The following ELSPBP1 variants were observed in gnomAD, a reference collection of about 807,000 sequenced individuals.
ELSPBP1 encodes the protein epididymal sperm binding protein 1, also known as epididymal sperm-binding protein 1.
ELSPBP1 carries 38 observed loss-of-function variants against 33.3 expected under a neutral mutation model. The observed-to-expected ratio is 1.14, with a 90% CI of 0.88 to 1.50. ELSPBP1 has a LOEUF of 1.50. Among genes scored for constraint, ELSPBP1 ranks in the 40% most tolerant of loss-of-function variants. ELSPBP1 has a pLI of 0.00. For synonymous variants in ELSPBP1, 85 were observed against 94.1 expected, an observed-to-expected ratio of 0.90 and a Z score of 0.56; for missense variants, 267 against 263.5, an observed-to-expected ratio of 1.01 and a Z score of -0.09.
At chr19:48,006,000 G>A (rs896407136) in intron 1 of ELSPBP1, among the ~76,000 whole-genome samples, 13 of 152,110 alleles carry the variant, frequency 8.5e-5, no homozygotes, top group East Asian at 3.9e-4. Flanking sequence ...TTGCTGTGTC[G>A]CCCAGGCTGG....
At chr19:48,000,451 A>G (rs1486520686) in intron 1 of ELSPBP1, among the ~76,000 whole-genome samples, 2 of 151,224 alleles carry the variant, frequency 1.3e-5, no homozygotes, top group Admixed American at 6.6e-5. Context: ...ATGTTGGTCA[A>G]GCTGGTCTCT....
intron 2 of ELSPBP1, 88 bp downstream of exon 2, chr19:48,008,825 G>A (rs1372526188): frequency 8.2e-6 from 10 of 1,217,106 alleles, no homozygotes; most frequent in South Asian, 1.3e-5. Flanking sequence ...TAAGTAGGCA[G>A]GAGATGGCTT....
chr19:48,016,730 C>T (rs1967146450), intron 4 of ELSPBP1, among the ~76,000 whole-genome samples: 1 of 151,752 alleles, frequency 6.6e-6, no homozygotes, highest in African/African-American at 2.4e-5. Context: ...TCCTGAGTAG[C>T]TGGGATTGCA....
In ELSPBP1 at chr19:47,999,458, G is replaced by A. The variant is rs1966946322; in HGVS notation, c.-18+4647G>A. Among the ~76,000 whole-genome samples the A allele has an allele frequency of 2.8e-5, 4 of 141,150 alleles. No individual in the cohort carries two copies. In the South Asian group the frequency reaches 6.6e-4, roughly 23 times the overall value. 92.6% of individuals were successfully genotyped at this position (141,150 alleles called of 152,430 possible). A position where few individuals can be genotyped will look rare whatever the true frequency, so the allele number is the denominator to read the frequency against. The stretch of plus-strand genomic sequence containing the variant: ...GGCTGGAATGCAGTGGTGTGATCTC[G>A]GCTCACAGCAACCTCCACTTCCTGG... On this transcript the variant is annotated intron_variant, in intron 1 of 6. Coordinates refer to ENST00000339841, the MANE Select transcript of ELSPBP1 (RefSeq NM_022142.5).
In ELSPBP1 at chr19:48,017,355, T is replaced by C. The variant is rs1967153202; in HGVS notation, c.355+1316T>C. Among the ~76,000 whole-genome samples the C allele has an allele frequency of 2.0e-5, 3 of 152,246 alleles. 1 individual carries two copies. Reference sequence around the variant, plus strand: ...TCTAGCCCTAATCATCCACCATTTGTGTTCTTTACTATAAACAAAACTTAA... The same window carrying C: ...TCTAGCCCTAATCATCCACCATTTGCGTTCTTTACTATAAACAAAACTTAA... On this transcript the variant is annotated intron_variant, in intron 4 of 6. Transcript: ENST00000339841.
intron 1 of ELSPBP1, among the ~76,000 whole-genome samples, chr19:48,007,653 T>C (rs1471835080): frequency 1.3e-5 from 2 of 152,114 alleles, no homozygotes; most frequent in Non-Finnish European, 2.9e-5. Context: ...ATGAGGACGG[T>C]AAATGCTAAT....
chr19:47,998,348 T>G (rs1230751881), intron 1 of ELSPBP1, among the ~76,000 whole-genome samples: 2 of 148,772 alleles, frequency 1.3e-5, no homozygotes, highest in Non-Finnish European at 3.0e-5. Flanking sequence ...GGGACAGAGG[T>G]TGCAGTGAGC....
chr19:48,016,035 G>C lies in ELSPBP1; in HGVS notation c.351G>C (p.Thr117=), dbSNP rs1276767986. ...DEKQQWKFCE[T]NEYGGNSLRK... is the part of the protein sequence containing the mutation. ...AACAGCAGTGGAAATTCTGTGAAAC[G>C]AATGGTGAGCCCCTGTAGCAGGGAT... Residue 117 remains threonine (T), a synonymous_variant, in exon 4 of 7, where the codon ACG becomes ACC. Transcript: ENST00000339841. 2.5e-6 allele frequency: 4 copies of C among 1,613,110 alleles called. No individual in the cohort carries two copies. The East Asian group carries it at 6.7e-5, about 27-fold the overall frequency.
intron 3 of ELSPBP1, among the ~76,000 whole-genome samples, chr19:48,015,237 G>T (rs1300886933): frequency 2.0e-5 from 3 of 152,200 alleles, no homozygotes; most frequent in Non-Finnish European, 2.9e-5. Flanking sequence ...TCATCTTCAT[G>T]TTGAGGAGGA....
At chr19:47,999,076 CTG>C (rs1966941407) in intron 1 of ELSPBP1, among the ~76,000 whole-genome samples, 1 of 152,186 alleles carries the variant, frequency 6.6e-6, no homozygotes, top group African/African-American at 2.4e-5. Flanking sequence ...GTTCCTCACA[CTG>C]TGTGTGGCTG....
intron 1 of ELSPBP1, among the ~76,000 whole-genome samples, chr19:48,000,704 C>A (rs1376730555): frequency 6.6e-6 from 1 of 152,208 alleles, no homozygotes; most frequent in Admixed American, 6.5e-5. Flanking sequence ...GATGAGGACT[C>A]CGAGCTGTGC....
chr19:48,013,387 C>G (rs988692081), intron 2 of ELSPBP1, among the ~76,000 whole-genome samples: 2 of 152,118 alleles, frequency 1.3e-5, no homozygotes, highest in African/African-American at 4.8e-5. Context: ...TTCAGGCCAC[C>G]ATGAGAACTG....
rs988882162 is a variant in ELSPBP1, at chr19:48,014,458, G to A, written c.208+150G>A. ...GAAAAGGCTCTGGGTTTTAATGATC[G>A]CCATTCTAACTTGTGTGAGAACACA... On this transcript the variant is annotated intron_variant, in intron 3 of 6. Transcript: ENST00000339841. 1.7e-4 allele frequency: 112 copies of A among 675,292 alleles called. 1 individual carries two copies. The Admixed American group carries it at 3.5e-3, about 21-fold the overall frequency. 41.8% of individuals were successfully genotyped at this position (675,292 alleles called of 1,614,324 possible).
chr19:47,996,109 T>C (rs1486339985), intron 1 of ELSPBP1, among the ~76,000 whole-genome samples: 2 of 152,190 alleles, frequency 1.3e-5, no homozygotes, highest in African/African-American at 4.8e-5. Flanking sequence ...CACATTTCCT[T>C]ATAGATGATA....
At chr19:48,020,707 C>G (rs1181907151) in intron 5 of ELSPBP1, among the ~76,000 whole-genome samples, 1 of 152,196 alleles carries the variant, frequency 6.6e-6, no homozygotes, top group African/African-American at 2.4e-5. Context: ...CCAGGGCCCT[C>G]TGTGCTTCCA....
At chr19:48,008,836 A>G in intron 2 of ELSPBP1, 99 bp downstream of exon 2, 4 of 1,095,424 alleles carry the variant, frequency 3.7e-6, no homozygotes, top group Non-Finnish European at 5.4e-6. Flanking sequence ...GAGATGGCTT[A>G]GCAAAAATCT....
rs11882875 is a variant in ELSPBP1, at chr19:48,002,098, G to A, written c.-17-6553G>A. 3.3e-3 allele frequency among the ~76,000 whole-genome samples: 509 copies of A among 152,196 alleles called. 5 individuals are homozygous for A. Among genetic ancestry groups the A allele is most frequent in the African/African-American group, 0.012 (482 of 41,522 alleles). ...GTGGGTATTATTCTACCCACCAAGC[G>A]TCTATGAACGACACTAACATTCTGT... On this transcript the variant is annotated intron_variant, in intron 1 of 6. Transcript: ENST00000339841.
intron 1 of ELSPBP1, among the ~76,000 whole-genome samples, chr19:47,999,772 G>A (rs1230310831): frequency 1.3e-5 from 2 of 151,246 alleles, no homozygotes; most frequent in Non-Finnish European, 1.5e-5. Context: ...CCAGTCTACC[G>A]ACAACTCCAC....
intron 1 of ELSPBP1, among the ~76,000 whole-genome samples, chr19:47,998,119 A>G (rs996933757): frequency 6.6e-6 from 1 of 152,064 alleles, no homozygotes; most frequent in Non-Finnish European, 1.5e-5. Flanking sequence ...CTTCCAGTAA[A>G]ATCTCAAGGA....
Sources: gnomAD v4.1 joint callset for allele counts (sites outside exome capture counted in the v4.1 genomes callset) on GRCh38, gnomAD v4.1.1 for gene constraint, MANE v1.5 for transcripts, NCBI Gene and HGNC (gene_info 2026-07-23, HGNC 2026-07-21) for gene names.